ARHGAP24: variants seen among roughly 807,000 people sequenced by gnomAD.
ARHGAP24 encodes rho GTPase-activating protein 24.
Under a neutral mutation model 76.4 loss-of-function variants are expected in ARHGAP24, and 50 were observed. The observed-to-expected ratio is 0.65, with a 90% confidence interval of 0.52 to 0.83. ARHGAP24 has a LOEUF of 0.83. ARHGAP24 is among the 40% of genes least tolerant of loss of function. ARHGAP24 has a pLI of 0.00. For missense variants in ARHGAP24, 930 were observed against 914.2 expected, an observed-to-expected ratio of 1.02 and a Z score of -0.22; for synonymous variants, 345 against 323.3, an observed-to-expected ratio of 1.07 and a Z score of -0.72.
chr4:85,854,059 T>A (rs1731404301), intron 3 of ARHGAP24, among the ~76,000 whole-genome samples: 1 of 145,222 alleles, frequency 6.9e-6, no homozygotes, highest in Admixed American at 7.2e-5. Context: ...CGCTTGAATC[T>A]GGGAGGCTGA....
intron 3 of ARHGAP24, among the ~76,000 whole-genome samples, chr4:85,812,865 A>C (rs967268254): frequency 3.3e-5 from 5 of 152,090 alleles, no homozygotes; most frequent in African/African-American, 4.8e-5. Flanking sequence ...TGAAATAACC[A>C]CCTACTCTCC....
At chr4:85,975,814 G>C (rs574441854) in intron 7 of ARHGAP24, 1 of 152,146 alleles carries the variant, frequency 6.6e-6, no homozygotes, top group Non-Finnish European at 1.5e-5. Flanking sequence ...TTAGATAAGC[G>C]TTCAAGGGAC....
intron 3 of ARHGAP24, among the ~76,000 whole-genome samples, chr4:85,920,955 G>T (rs1328284940): frequency 3.3e-5 from 5 of 152,088 alleles, no homozygotes; most frequent in Non-Finnish European, 5.9e-5. Flanking sequence ...TCAACAATGT[G>T]GAAGACAGAG....
intron 3 of ARHGAP24, chr4:85,778,755 CTACAGGAAGAG>C (rs1727407094): frequency 1.0e-6 from 1 of 985,170 alleles, no homozygotes; most frequent in African/African-American, 1.7e-5. Context: ...AGAAAATTAG[CTACAGGAAGAG>C]TTTATATCCC....
chr4:85,912,600 A>G (rs1433380730), intron 3 of ARHGAP24, among the ~76,000 whole-genome samples: 1 of 152,192 alleles, frequency 6.6e-6, no homozygotes, highest in East Asian at 1.9e-4. Flanking sequence ...TGTATACCCA[A>G]ACACATTCTC....
At chr4:85,930,333 G>A in intron 4 of ARHGAP24, 2 of 986,758 alleles carry the variant, frequency 2.0e-6, no homozygotes, top group Non-Finnish European at 2.4e-6. Flanking sequence ...AGGATGGGGG[G>A]TGCTATAAAA....
At chr4:85,569,110 A>G (rs1409181946) in intron 1 of ARHGAP24, among the ~76,000 whole-genome samples, 1 of 152,242 alleles carries the variant, frequency 6.6e-6, no homozygotes, top group Non-Finnish European at 1.5e-5. Context: ...GTAGAATTGT[A>G]TACATGCAAA....
rs559901938 is a variant in ARHGAP24, at chr4:85,543,863, G to A, written c.-20-26659G>A. Among the ~76,000 whole-genome samples the A allele has an allele frequency of 1.6e-4, 24 of 152,144 alleles. No homozygotes were observed. The South Asian group carries it at 3.1e-3, about 20-fold the overall frequency. The stretch of plus-strand genomic sequence containing the variant: ...GTTAGTAGTAGTTTTAGTAGTAGTC[G>A]TAGTAGAAGTAGTAGTTAGTAGCAG... On this transcript the variant is annotated intron_variant, in intron 1 of 9. Coordinates refer to ENST00000395184, the MANE Select transcript of ARHGAP24 (RefSeq NM_001025616.3).
intron 3 of ARHGAP24, among the ~76,000 whole-genome samples, chr4:85,879,347 T>G (rs973004300): frequency 1.3e-5 from 2 of 152,186 alleles, no homozygotes; most frequent in Non-Finnish European, 2.9e-5. Context: ...CCTGGAGATG[T>G]ACTCTGATCA....
At chr4:85,885,848 G>T (rs1733537357) in intron 3 of ARHGAP24, among the ~76,000 whole-genome samples, 1 of 151,994 alleles carries the variant, frequency 6.6e-6, no homozygotes, top group South Asian at 2.1e-4. Flanking sequence ...GATTATGTTG[G>T]TTGATACTTT....
rs937947036 is a variant in ARHGAP24, at chr4:85,932,347, G to C, written c.391+8577G>C. On this transcript the variant is annotated intron_variant, in intron 4 of 9. Transcript: ENST00000395184. ...TCCCCAGCCCATCAGAAACTAAATT[G>C]GTTCTATGCAAACACGACTTTTCAG... 2.6e-5 allele frequency among the ~76,000 whole-genome samples: 4 copies of C among 151,800 alleles called. No homozygotes were observed. In the South Asian group the frequency reaches 8.3e-4, roughly 32 times the overall value.
Position 85,575,955 on chromosome 4 carries a change from T to C in ARHGAP24, c.180+5234T>C, listed in dbSNP as rs181004559. ...ATAAGCACCAACCCAATTAATGTGGTCTAGACTTTCTACAACAGATATTGA... is the reference window on the plus strand; with the variant it reads ...ATAAGCACCAACCCAATTAATGTGGCCTAGACTTTCTACAACAGATATTGA... On this transcript the variant is annotated intron_variant, in intron 2 of 9. Coordinates refer to ENST00000395184, the MANE Select transcript of ARHGAP24 (RefSeq NM_001025616.3). Among the ~76,000 whole-genome samples the C allele has an allele frequency of 1.3e-3, 200 of 152,314 alleles. 1 individual carries two copies. Among genetic ancestry groups the C allele is most frequent in the African/African-American group, 4.7e-3 (195 of 41,572 alleles).
chr4:85,505,803 C>G (rs1724022168), intron 1 of ARHGAP24, among the ~76,000 whole-genome samples: 1 of 152,062 alleles, frequency 6.6e-6, no homozygotes, highest in South Asian at 2.1e-4. Context: ...AGAAGAGGTG[C>G]TCTGGTTTTT....
At chr4:85,768,647 G>A (rs755581765) in intron 3 of ARHGAP24, among the ~76,000 whole-genome samples, 61 of 152,132 alleles carry the variant, frequency 4.0e-4, no homozygotes, top group Non-Finnish European at 7.5e-4. Context: ...GTGTGGTGGC[G>A]CACGCCTGTA....
chr4:85,847,753 C>A (rs939782115), intron 3 of ARHGAP24, among the ~76,000 whole-genome samples: 4 of 152,016 alleles, frequency 2.6e-5, no homozygotes, highest in African/African-American at 9.7e-5. Flanking sequence ...TTGTCACTGG[C>A]CAAATAAATG....
At chr4:85,724,083 C>A (rs1725063048) in intron 3 of ARHGAP24, among the ~76,000 whole-genome samples, 1 of 152,136 alleles carries the variant, frequency 6.6e-6, no homozygotes, top group South Asian at 2.1e-4. Context: ...GCAAGGATTG[C>A]AGAAATGTGG....
chr4:85,613,274 A>G (rs1373826958), intron 2 of ARHGAP24, among the ~76,000 whole-genome samples: 4 of 152,122 alleles, frequency 2.6e-5, no homozygotes, highest in Non-Finnish European at 5.9e-5. Context: ...ACTCAGCATT[A>G]TATTTCTGAA....
chr4:85,669,233 A>C (rs1722739460), intron 2 of ARHGAP24, among the ~76,000 whole-genome samples: 1 of 145,118 alleles, frequency 6.9e-6, no homozygotes, highest in South Asian at 2.2e-4. Context: ...TCCTGAGGCA[A>C]GTTATCTAGA....
At chr4:85,976,101 GATGAAAAAGC>G (rs1346671431) in intron 7 of ARHGAP24, among the ~76,000 whole-genome samples, 5 of 152,158 alleles carry the variant, frequency 3.3e-5, no homozygotes, top group Non-Finnish European at 7.4e-5. Flanking sequence ...AAGTAAAAGG[GATGAAAAAGC>G]TTCTTTGGAA....
Sources: gnomAD v4.1 joint callset for allele counts (sites outside exome capture counted in the v4.1 genomes callset) on GRCh38, gnomAD v4.1.1 for gene constraint, MANE v1.5 for transcripts, NCBI Gene and HGNC (gene_info 2026-07-23, HGNC 2026-07-21) for gene names.